The following OSBPL6 variants were observed in gnomAD, a reference collection of about 807,000 sequenced individuals.
OSBPL6 encodes oxysterol-binding protein-related protein 6.
Under a neutral mutation model 125.8 loss-of-function variants are expected in OSBPL6, and 49 were observed. The observed-to-expected ratio is 0.39, with a 90% CI of 0.31 to 0.49. The LOEUF is 0.49. Ranked by LOEUF, OSBPL6 falls within the 20% of genes least tolerant of loss-of-function variation. The pLI is 0.88. For synonymous variants in OSBPL6, 394 were observed against 391.8 expected (o/e 1.01, Z -0.07); for missense variants, 986 against 1,135.4 (o/e 0.87, Z 1.89).
intron 4 of OSBPL6, among the ~76,000 whole-genome samples, chr2:178,326,008 A>T (rs1688665557): frequency 6.6e-6 from 1 of 152,158 alleles, no homozygotes; most frequent in Non-Finnish European, 1.5e-5. Flanking sequence ...TTGGGGCCTC[A>T]TGAAATCAGA....
chr2:178,279,496 A>G (rs10190992), intron 1 of OSBPL6, among the ~76,000 whole-genome samples: 289 of 152,328 alleles, frequency 1.9e-3, no homozygotes, highest in African/African-American at 6.8e-3. Flanking sequence ...GTTTAAATCA[A>G]CCTTTTCAAC....
At chr2:178,326,125 T>TC (rs1688676633) in intron 4 of OSBPL6, among the ~76,000 whole-genome samples, 1 of 151,568 alleles carries the variant, frequency 6.6e-6, no homozygotes, top group Admixed American at 6.6e-5. Context: ...TTTTTTTTTT[T>TC]TGAAGTACAC....
chr2:178,251,346 C>A (rs180675754), intron 1 of OSBPL6, among the ~76,000 whole-genome samples: 1 of 151,732 alleles, frequency 6.6e-6, no homozygotes, highest in Admixed American at 6.6e-5. Context: ...GACTTAGCAA[C>A]GGTTACTATG....
In OSBPL6 at chr2:178,264,312, T is replaced by C. The variant is rs149061472; in HGVS notation, c.-350-20615T>C. ...ATGGCATCATTTCCTTTAAAGACCTTATAGCAATTCAGAAATGTTAACTCC... is the reference window on the plus strand; with the variant it reads ...ATGGCATCATTTCCTTTAAAGACCTCATAGCAATTCAGAAATGTTAACTCC... On this transcript the variant is annotated intron_variant, in intron 1 of 24. Transcript: ENST00000190611. Among the ~76,000 whole-genome samples the C allele has an allele frequency of 9.9e-5, 15 of 152,254 alleles. No homozygotes were observed. The East Asian group carries it at 2.9e-3, about 29-fold the overall frequency.
rs1038949614 is a variant in OSBPL6, at chr2:178,402,425, T to C, written c.*6866T>C. ...TATGTCTCTAAGGGGAGTTTTTCAGTTGACTGATGAGGTCCTGACTGGTAG... is the reference window on the plus strand; with the variant it reads ...TATGTCTCTAAGGGGAGTTTTTCAGCTGACTGATGAGGTCCTGACTGGTAG... On this transcript the variant is annotated 3_prime_UTR_variant, in exon 25 of 25. Transcript: ENST00000190611. The C allele has an allele frequency of 2.6e-5, 4 of 152,214 alleles. No homozygotes were observed. The highest frequency in any genetic ancestry group is 7.2e-5 in the African/African-American group (3 of 41,462). 9.4% of individuals were successfully genotyped at this position (152,214 alleles called of 1,614,324 possible).
Position 178,396,020 on chromosome 2 carries a change from G to T in OSBPL6, c.*461G>T. 1 of 295,212 alleles carries T rather than the reference G, an allele frequency of 3.4e-6. No individual in the cohort carries two copies. Among genetic ancestry groups the T allele is most frequent in the South Asian group, 3.3e-5 (1 of 30,492 alleles). The allele number at this position is 295,212 out of a possible 1,614,324, so 18.3% of individuals were successfully genotyped here. On this transcript the variant is annotated 3_prime_UTR_variant, in exon 25 of 25. Transcript: ENST00000190611. Reference sequence around the variant, plus strand: ...GTCGGTCAGTGCAGACTTCAAGTGTGTCTGTTTGATGTGGTGTGATTGTGC... The same window carrying T: ...GTCGGTCAGTGCAGACTTCAAGTGTTTCTGTTTGATGTGGTGTGATTGTGC...
intron 1 of OSBPL6, among the ~76,000 whole-genome samples, chr2:178,202,131 T>C (rs1457596197): frequency 6.6e-6 from 1 of 152,218 alleles, no homozygotes; most frequent in Non-Finnish European, 1.5e-5. Flanking sequence ...CACATTATAT[T>C]GTTACTGCTT....
intron 12 of OSBPL6, 27 bp from the exon 13 acceptor site, chr2:178,361,655 T>A: frequency 6.2e-7 from 1 of 1,611,928 alleles, no homozygotes; most frequent in Non-Finnish European, 8.5e-7. Context: ...TATCTGACAG[T>A]TTTTTCTCAC....
intron 3 of OSBPL6, among the ~76,000 whole-genome samples, chr2:178,313,413 G>A (rs1031535369): frequency 6.6e-6 from 1 of 152,076 alleles, no homozygotes; most frequent in Admixed American, 6.6e-5. Context: ...TCAGGTGATA[G>A]CATCTGTTAT....
chr2:178,239,695 G>A (rs1574591834), intron 1 of OSBPL6, among the ~76,000 whole-genome samples: 1 of 150,078 alleles, frequency 6.7e-6, no homozygotes. Context: ...GTGTGATCTC[G>A]GCTCACTGCA....
chr2:178,224,352 GA>G (rs1015152251), intron 1 of OSBPL6, among the ~76,000 whole-genome samples: 2 of 150,406 alleles, frequency 1.3e-5, no homozygotes, highest in Admixed American at 6.6e-5. Flanking sequence ...GTTATGTTTA[GA>G]AAAAAAAATC....
At chr2:178,264,919 C>G (rs534969634) in intron 1 of OSBPL6, among the ~76,000 whole-genome samples, 65 of 151,980 alleles carry the variant, frequency 4.3e-4, no homozygotes, top group Admixed American at 3.2e-3. Flanking sequence ...GAGTCTTGCT[C>G]TTTTGCCCAG....
rs1484831506 is a variant in OSBPL6, at chr2:178,401,113, G to A, written c.*5554G>A. The A allele has an allele frequency of 2.6e-5, 4 of 152,200 alleles. No homozygotes were observed. The highest frequency in any genetic ancestry group is 9.7e-5 in the African/African-American group (4 of 41,444). The allele number at this position is 152,200 out of a possible 1,614,324, so 9.4% of individuals were successfully genotyped here. ...TGCTTCTGGTGATGTAACACCACTT[G>A]GTGGTGGCGCTGAGGAAACCCTGGG... is the stretch of plus-strand genomic sequence containing the variant. On this transcript the variant is annotated 3_prime_UTR_variant, in exon 25 of 25. Coordinates refer to ENST00000190611, the MANE Select transcript of OSBPL6 (RefSeq NM_032523.4).
At position 178,306,085 on chromosome 2, in the gene OSBPL6, A is replaced by C; in HGVS notation, c.-100A>C. ...CTTTTCTAGTCAAACCTGATTCATG[A>C]AATGGAATGAAGCTGAAAAATCATC... On this transcript the variant is annotated 5_prime_UTR_variant, in exon 3 of 25. Coordinates refer to ENST00000190611, the MANE Select transcript of OSBPL6 (RefSeq NM_032523.4). The C allele has an allele frequency of 1.3e-6, 1 of 769,416 alleles. No individual in the cohort carries two copies. Among genetic ancestry groups the C allele is most frequent in the Non-Finnish European group, 2.2e-6 (1 of 447,968 alleles). The allele number at this position is 769,416 out of a possible 1,614,324, so 47.7% of individuals were successfully genotyped here.
chr2:178,372,084 T>G, intron 13 of OSBPL6, 42 bp from the exon 14 acceptor site: 1 of 1,423,738 alleles, frequency 7.0e-7, no homozygotes, highest in Non-Finnish European at 9.9e-7. Context: ...TTATGCTTGC[T>G]TATTAATTTT....
At chr2:178,223,915 C>T (rs1362869339) in intron 1 of OSBPL6, among the ~76,000 whole-genome samples, 2 of 152,220 alleles carry the variant, frequency 1.3e-5, no homozygotes, top group African/African-American at 2.4e-5. Flanking sequence ...ACAGGGTTGG[C>T]TAGTGTGACC....
chr2:178,317,479 TAG>T (rs1232473378), intron 3 of OSBPL6, among the ~76,000 whole-genome samples: 8 of 118,624 alleles, frequency 6.7e-5, no homozygotes, highest in African/African-American at 2.8e-4. Flanking sequence ...TATATATATA[TAG>T]AATAATTATT....
chr2:178,276,782 GT>G lies in OSBPL6; in HGVS notation c.-350-8130del, dbSNP rs60096710. Among the ~76,000 whole-genome samples the G allele has an allele frequency of 4.6e-3, 631 of 138,126 alleles. 3 individuals carry two copies. The highest frequency in any genetic ancestry group is 0.01 in the African/African-American group (381 of 37,302). The allele number at this position is 138,126 out of a possible 152,430, so 90.6% of individuals were successfully genotyped here. On this transcript the variant is annotated intron_variant, in intron 1 of 24. Coordinates refer to ENST00000190611, the MANE Select transcript of OSBPL6 (RefSeq NM_032523.4). The stretch of plus-strand genomic sequence containing the variant: ...TCCCTTTTATTACTCCACTAGAAGA[GT>G]TTTTTTTTTTTTTTGAGCCCATTTT...
chr2:178,390,023 C>G (rs1695266529), intron 21 of OSBPL6, among the ~76,000 whole-genome samples: 1 of 152,158 alleles, frequency 6.6e-6, no homozygotes, highest in Non-Finnish European at 1.5e-5. Flanking sequence ...AACTGAAGAG[C>G]CAAGATCACT....
Sources: allele counts gnomAD v4.1 joint callset (sites outside exome capture counted in the v4.1 genomes callset), GRCh38; gene constraint gnomAD v4.1.1; transcripts MANE v1.5; gene names NCBI Gene and HGNC (gene_info 2026-07-23, HGNC 2026-07-21).